The following COL17A1 variants were observed in gnomAD, a reference collection of about 807,000 sequenced individuals.
COL17A1 encodes the protein collagen alpha-1(XVII) chain.
A neutral mutation model predicts 218.4 loss-of-function variants in COL17A1; 181 were observed. The ratio of observed to expected loss-of-function variants is 0.83; its 90% CI spans 0.73 to 0.94. The LOEUF (loss-of-function observed/expected upper bound fraction) is 0.94, where lower values mean the gene tolerates loss of function less well. Among genes scored for constraint, COL17A1 ranks in the 40% least tolerant of loss-of-function variants. COL17A1 has a pLI of 0.00. For synonymous variants in COL17A1, 721 were observed against 731.0 expected, an observed-to-expected ratio of 0.99 and a Z score of 0.22; for missense variants, 1,924 against 1,945.9, an observed-to-expected ratio of 0.99 and a Z score of 0.21.
At chr10:104,058,011 C>T (rs2086547423) in intron 16 of COL17A1, 135 bp downstream of exon 16, 1 of 1,362,262 alleles carries the variant, frequency 7.3e-7, no homozygotes, top group Non-Finnish European at 1.0e-6. Context: ...CCTTCTGAGC[C>T]TTTAGGGAAA....
At chr10:104,083,059 C>T (rs931756066) in intron 1 of COL17A1, among the ~76,000 whole-genome samples, 5 of 152,166 alleles carry the variant, frequency 3.3e-5, no homozygotes, top group Non-Finnish European at 5.9e-5. Context: ...GTGCCAGGTA[C>T]GTGTTGGGAG....
chr10:104,056,776 A>C (rs539198610), intron 17 of COL17A1, among the ~76,000 whole-genome samples, 199 bp downstream of exon 17: 1 of 152,140 alleles, frequency 6.6e-6, no homozygotes, highest in Non-Finnish European at 1.5e-5. Flanking sequence ...CTCCACCACT[A>C]AGTGGCAGCA....
Position 104,055,997 on chromosome 10 carries a change from T to A in COL17A1, c.1472A>T (p.Glu491Val). The change falls in exon 18 of 56, where the codon GAG (glutamate) becomes GTG (valine). Residue 491 changes from glutamate (E) to valine (V), a missense_variant. Transcript: ENST00000648076. Reference protein sequence around the residue: ...LLFGLIALAEEVRKLKARVDE... With the variant: ...LLFGLIALAEVVRKLKARVDE... The stretch of plus-strand genomic sequence containing the variant: ...CACACGCGCCTTCAGCTTCCTCACC[T>A]CCTCCGCTGCAACAAACAGACACAC... 6.2e-7 allele frequency: 1 copy of A among 1,613,984 alleles called. No homozygotes were observed.
chr10:104,043,370 A>C (rs2086378595), intron 35 of COL17A1, 131 bp downstream of exon 35: 3 of 856,624 alleles, frequency 3.5e-6, no homozygotes, highest in East Asian at 5.3e-5. Flanking sequence ...TGCTTTTCTC[A>C]GGCCAAACTC....
At chr10:104,040,121 TG>T in intron 40 of COL17A1, 122 bp from the exon 41 acceptor site, 1 of 1,209,154 alleles carries the variant, frequency 8.3e-7, no homozygotes, top group South Asian at 1.2e-5. Flanking sequence ...TGGGGTTCCT[TG>T]TGCCTCTCCT....
At chr10:104,081,269 G>A (rs912026330) in intron 1 of COL17A1, among the ~76,000 whole-genome samples, 4 of 152,032 alleles carry the variant, frequency 2.6e-5, no homozygotes, top group South Asian at 4.1e-4. Flanking sequence ...CACTATAATC[G>A]GCTCTCATGT....
chr10:104,040,431 T>C (rs2086346997), intron 39 of COL17A1, 21 bp from the exon 40 acceptor site: 1 of 1,560,452 alleles, frequency 6.4e-7, no homozygotes, highest in South Asian at 1.1e-5. Flanking sequence ...AGGAAATAGT[T>C]TGAGTATGGA....
At position 104,058,179 on chromosome 10, in the gene COL17A1, TC is replaced by T. The variant is rs1195164931; in HGVS notation, c.1233del (p.Thr412LeufsTer81). On this transcript the variant is annotated frameshift_variant, in exon 16 of 56. Transcript: ENST00000648076. LOFTEE classifies it high-confidence loss of function. ...GTGGTCTTGCCCTTTGTGGACACAG[TC>T]TTCAGGTCTCCTGAAAGGACAAACA... ...GLKAEANGDL[K>X]TVSTKGKTTT... The T allele has an allele frequency of 1.2e-6, 2 of 1,614,226 alleles. No homozygotes were observed. Among genetic ancestry groups the T allele is most frequent in the Non-Finnish European group, 1.7e-6 (2 of 1,180,038 alleles).
In COL17A1 at chr10:104,060,347, C is replaced by G. The variant is rs953840313; in HGVS notation, c.980-67G>C. 6 of 1,598,912 alleles carry G rather than the reference C, an allele frequency of 3.8e-6. No individual in the cohort carries two copies. The African/African-American group carries it at 8.0e-5, about 21-fold the overall frequency. On this transcript the variant is annotated intron_variant, in intron 13 of 55. Transcript: ENST00000648076. ...AGGAGAAGGGAGAGGGGAGAAAAGA[C>G]AAGAAGAGGAAGGAGAAGAAAGAGA...
Position 104,047,820 on chromosome 10 carries a change from G to C in COL17A1, c.2264-10C>G, listed in dbSNP as rs2086427505. The C allele has an allele frequency of 6.2e-7, 1 of 1,612,306 alleles. No individual in the cohort carries two copies. Among genetic ancestry groups the C allele is most frequent in the African/African-American group, 1.3e-5 (1 of 74,906 alleles). ...GTAAGACCTTGTTCACCTAGAGAGA[G>C]AATGGCCAACGTGGAAGTGTTTACA... On this transcript the variant is annotated splice_polypyrimidine_tract_variant and intron_variant, in intron 30 of 55. Coordinates refer to ENST00000648076, the MANE Select transcript of COL17A1 (RefSeq NM_000494.4).
chr10:104,054,031 A>G (rs779219798), intron 21 of COL17A1, 49 bp from the exon 22 acceptor site: 2 of 1,613,000 alleles, frequency 1.2e-6, no homozygotes, highest in South Asian at 2.2e-5. Context: ...CCCAGAAGCC[A>G]TCAGCTAGGA....
rs1448663798 is a variant in COL17A1, at chr10:104,035,573, T to A, written c.3419-10A>T. 4.3e-6 allele frequency: 7 copies of A among 1,610,064 alleles called. No homozygotes were observed. The Admixed American group carries it at 1.2e-4, about 27-fold the overall frequency. On this transcript the variant is annotated splice_polypyrimidine_tract_variant and intron_variant, in intron 48 of 55. Coordinates refer to ENST00000648076, the MANE Select transcript of COL17A1 (RefSeq NM_000494.4). The stretch of plus-strand genomic sequence containing the variant: ...ATGCTGATCCCAGAACCTAGGGAGG[T>A]GATGGATTCAGATCAGGCAGGGGGA...
At chr10:104,038,737 C>T (rs895811664) in intron 44 of COL17A1, among the ~76,000 whole-genome samples, 4 of 152,102 alleles carry the variant, frequency 2.6e-5, no homozygotes, top group Admixed American at 6.5e-5. Context: ...GAAGCTGCCC[C>T]AGGCCAAACC....
intron 30 of COL17A1, 53 bp downstream of exon 30, chr10:104,048,016 G>A (rs541447107): frequency 6.2e-7 from 1 of 1,608,178 alleles, no homozygotes; most frequent in African/African-American, 1.3e-5. Flanking sequence ...GCTGCATGCT[G>A]GAACAGGGGC....
chr10:104,073,369 G>A, intron 6 of COL17A1, 124 bp from the exon 7 acceptor site: 1 of 834,222 alleles, frequency 1.2e-6, no homozygotes, highest in Non-Finnish European at 2.1e-6. Context: ...CCAGATAGGG[G>A]CTTTTCTGTA....
chr10:104,036,576 C>T lies in COL17A1; in HGVS notation c.3334G>A (p.Gly1112Arg). 2 of 1,614,044 alleles carry T rather than the reference C, an allele frequency of 1.2e-6. No individual in the cohort carries two copies. The highest frequency in any genetic ancestry group is 1.7e-6 in the Non-Finnish European group (2 of 1,179,954). Residue 1112 changes from glycine (G) to arginine (R), a missense_variant, in exon 48 of 56, where the codon GGG (glycine) becomes AGG (arginine). Physicochemically the swap from Gly to Arg is moderately radical, Grantham distance 125. Transcript: ENST00000648076. ...QYLMGPRGPPGPPGASGDGSL... is the reference protein window; with the variant it reads ...QYLMGPRGPPRPPGASGDGSL... ...CCATCTCCACTGGCTCCTGGTGGCC[C>T]TGGCGGACCCCGAGGGCCCATCAAG...
At chr10:104,044,069 G>C (rs576068824) in intron 33 of COL17A1, among the ~76,000 whole-genome samples, 48 of 152,226 alleles carry the variant, frequency 3.2e-4, no homozygotes, top group Non-Finnish European at 5.1e-4. Context: ...CAGAGCATCC[G>C]TCTTCATTCA....
chr10:104,085,687 A>G (rs1402063884), intron 1 of COL17A1, 36 bp downstream of exon 1: 1 of 152,658 alleles, frequency 6.6e-6, no homozygotes, highest in Non-Finnish European at 1.5e-5. Flanking sequence ...AAAGTCTCAG[A>G]GAAAAGGAGA....
At chr10:104,042,751 G>T (rs375327945) in intron 35 of COL17A1, among the ~76,000 whole-genome samples, 1 of 152,210 alleles carries the variant, frequency 6.6e-6, no homozygotes, top group Non-Finnish European at 1.5e-5. Flanking sequence ...CAGGAGGGAA[G>T]GCTGGTACAT....
Sources: allele counts gnomAD v4.1 joint callset (sites outside exome capture counted in the v4.1 genomes callset), GRCh38; gene constraint gnomAD v4.1.1; transcripts MANE v1.5; gene names NCBI Gene and HGNC (gene_info 2026-07-23, HGNC 2026-07-21).